The following CYP46A1 variants were observed in gnomAD, a reference collection of about 807,000 sequenced individuals.
CYP46A1 encodes the protein cholesterol 24-hydroxylase.
In CYP46A1, 20 loss-of-function variants were observed where a neutral mutation model predicts 63.3. The observed-to-expected ratio is 0.32, with a 90% CI of 0.22 to 0.46. The LOEUF (loss-of-function observed/expected upper bound fraction) is 0.46, where lower values mean the gene tolerates loss of function less well. CYP46A1 is among the 20% of genes least tolerant of loss of function. CYP46A1 has a pLI of 1.00. For missense variants in CYP46A1, 445 were observed against 670.8 expected, an observed-to-expected ratio of 0.66 and a Z score of 3.72; for synonymous variants, 268 against 273.6, an observed-to-expected ratio of 0.98 and a Z score of 0.20.
intron 3 of CYP46A1, among the ~76,000 whole-genome samples, chr14:99,695,239 A>G (rs1350539049): frequency 6.6e-6 from 1 of 151,870 alleles, no homozygotes; most frequent in Non-Finnish European, 1.5e-5. Context: ...ATGTTAATGA[A>G]CCCTTAAAAA....
Position 99,722,157 on chromosome 14 carries a change from T to A in CYP46A1, c.1176+91T>A. ...GACTCACCAGGGGAGCCTGTGGCCC[T>A]GTTCCCATCATTGCAACGGGCCTCA... On this transcript the variant is annotated intron_variant, in intron 12 of 14. Transcript: ENST00000261835. The surrounding 1 kb of genome is among the most constrained non-coding windows in gnomAD (Gnocchi z 4.6). 1.1e-6 allele frequency: 1 copy of A among 919,048 alleles called. No homozygotes were observed. The highest frequency in any genetic ancestry group is 1.7e-6 in the Non-Finnish European group (1 of 594,352). The allele number at this position is 919,048 out of a possible 1,614,324, so 56.9% of individuals were successfully genotyped here.
intron 7 of CYP46A1, chr14:99,711,326 A>T (rs183843954): frequency 6.6e-6 from 1 of 152,132 alleles, no homozygotes; most frequent in South Asian, 2.1e-4. Flanking sequence ...GGAACTAAAG[A>T]CTAAAAAAGT....
At chr14:99,706,950 TCAAAG>T (rs1282753337) in intron 6 of CYP46A1, among the ~76,000 whole-genome samples, 165 bp downstream of exon 6, 13 of 152,206 alleles carry the variant, frequency 8.5e-5, no homozygotes, top group Admixed American at 8.5e-4. Flanking sequence ...CCTTCAATAT[TCAAAG>T]CAACCTAGTG....
rs1016847883 is a variant in CYP46A1, at chr14:99,709,652, T to G, written c.693+1974T>G. On this transcript the variant is annotated intron_variant, in intron 7 of 14. Transcript: ENST00000261835. ...TAATAGCTGAAAACTTCTCAAGTCT[T>G]GCAAAAGATATAGACATCCAGGTAC... 9 of 152,324 alleles carry G rather than the reference T, an allele frequency of 5.9e-5. No homozygotes were observed. In the East Asian group the frequency reaches 1.5e-3, roughly 26 times the overall value. The allele number at this position is 152,324 out of a possible 1,614,324, so 9.4% of individuals were successfully genotyped here. A position where few individuals can be genotyped will look rare whatever the true frequency, so the allele number is the denominator to read the frequency against.
intron 7 of CYP46A1, 55 bp from the exon 8 acceptor site, chr14:99,715,755 G>A (rs1032493084): frequency 1.2e-6 from 2 of 1,611,108 alleles, no homozygotes; most frequent in Non-Finnish European, 1.7e-6. Context: ...TGGGGGAGAG[G>A]GGAGAGGGAA....
chr14:99,706,467 G>A, intron 5 of CYP46A1, 180 bp from the exon 6 acceptor site: 1 of 669,866 alleles, frequency 1.5e-6, no homozygotes, highest in South Asian at 1.9e-5. Flanking sequence ...AAACCCCAGG[G>A]TGTAGTTCAG....
At chr14:99,701,599 C>T (rs1475513473) in intron 5 of CYP46A1, among the ~76,000 whole-genome samples, 2 of 152,148 alleles carry the variant, frequency 1.3e-5, no homozygotes, top group African/African-American at 4.8e-5. Context: ...TAGAATGTAT[C>T]CTTGTCGTTA....
chr14:99,684,758 T>A (rs1280839491), intron 1 of CYP46A1: 1 of 634,476 alleles, frequency 1.6e-6, no homozygotes, highest in African/African-American at 1.8e-5. Flanking sequence ...CCCACAAACG[T>A]GATGGCAGCC....
Position 99,706,821 on chromosome 14 carries a change from G to A in CYP46A1, c.582+36G>A, listed in dbSNP as rs780290492. ...ACAGTCGGGCATGGGGGCCAGGAGG[G>A]CCACATGGGGTAGAGGGGTCTCTTC... is the stretch of plus-strand genomic sequence containing the variant. On this transcript the variant is annotated intron_variant, in intron 6 of 14. Transcript: ENST00000261835. The A allele has an allele frequency of 1.2e-5, 20 of 1,606,020 alleles. 1 individual carries two copies. The highest frequency in any genetic ancestry group is 1.7e-5 in the Non-Finnish European group (20 of 1,176,206).
chr14:99,701,032 T>C (rs1344221851), intron 5 of CYP46A1, among the ~76,000 whole-genome samples: 1 of 152,174 alleles, frequency 6.6e-6, no homozygotes, highest in Non-Finnish European at 1.5e-5. Context: ...AAAGAATTAA[T>C]AAAAAAGCTT....
chr14:99,721,475 G>T (rs753008823), intron 11 of CYP46A1, 152 bp downstream of exon 11: 3 of 640,478 alleles, frequency 4.7e-6, no homozygotes, highest in Non-Finnish European at 8.5e-6. Context: ...GGCCCAGGCT[G>T]CCCCAGACTA....
In CYP46A1 at chr14:99,722,687, G is replaced by A. The variant is rs1388096233; in HGVS notation, c.1176+621G>A. ...TGTGTGTGTGTGTGTGTGCCTGTGT[G>A]CATTCACGCAGTAATATATTGTAGG... On this transcript the variant is annotated intron_variant, in intron 12 of 14. Coordinates refer to ENST00000261835, the MANE Select transcript of CYP46A1 (RefSeq NM_006668.2). This position sits in a 1 kb window ranked among gnomAD's most constrained non-coding sequence, Gnocchi z 4.6. Among the ~76,000 whole-genome samples the A allele has an allele frequency of 6.6e-6, 1 of 151,522 alleles. No homozygotes were observed. The highest frequency in any genetic ancestry group is 1.5e-5 in the Non-Finnish European group (1 of 67,950).
rs1213300038 is a variant in CYP46A1 at position 99,722,348 on chromosome 14, G to A, written c.1176+282G>A. On this transcript the variant is annotated intron_variant, in intron 12 of 14. Transcript: ENST00000261835. The surrounding 1 kb of genome is among the most constrained non-coding windows in gnomAD (Gnocchi z 4.6). ...CAGAGAGGTTAGGTCACTTTCCTGG[G>A]GTCACACAGCTGGTGAAAAGCAGAT... is the stretch of plus-strand genomic sequence containing the variant. Among the ~76,000 whole-genome samples the A allele has an allele frequency of 6.6e-6, 1 of 152,078 alleles. No homozygotes were observed. Among genetic ancestry groups the A allele is most frequent in the Non-Finnish European group, 1.5e-5 (1 of 68,024 alleles).
intron 7 of CYP46A1, chr14:99,709,052 C>G (rs750932427): frequency 1.1e-4 from 17 of 152,166 alleles, no homozygotes; most frequent in Admixed American, 8.5e-4. Flanking sequence ...ATAAATGCCC[C>G]TATAGAAAAG....
intron 12 of CYP46A1, among the ~76,000 whole-genome samples, chr14:99,724,043 C>T (rs1018617195): frequency 2.6e-5 from 4 of 152,162 alleles, no homozygotes; most frequent in Admixed American, 1.3e-4. Context: ...AGACAGCCAC[C>T]TTCTCCCTGT....
intron 7 of CYP46A1, among the ~76,000 whole-genome samples, chr14:99,714,606 A>G (rs1368897936): frequency 6.6e-6 from 1 of 151,968 alleles, no homozygotes; most frequent in Non-Finnish European, 1.5e-5. Flanking sequence ...TAAAAATACA[A>G]AAAATTAGCC....
At chr14:99,685,099 C>CGCCCT (rs1161055770) in intron 1 of CYP46A1, among the ~76,000 whole-genome samples, 1 of 4,892 alleles carries the variant, frequency 2.0e-4, no homozygotes, top group Non-Finnish European at 4.6e-4. Flanking sequence ...CCCCCCCCCA[C>CGCCCT]CCCCAGCTTA....
At chr14:99,691,031 G>A (rs755947579) in intron 1 of CYP46A1, 50 bp from the exon 2 acceptor site, 43 of 1,564,536 alleles carry the variant, frequency 2.7e-5, no homozygotes, top group Admixed American at 2.0e-4. Context: ...GGAAGGGAGC[G>A]TTCTTTCCTG....
rs1566838789 is a variant in CYP46A1, at chr14:99,726,709, C to T, written c.1485C>T (p.Pro495=). Residue 495 remains proline, a synonymous_variant, in exon 15 of 15, where the codon CCC becomes CCT. Transcript: ENST00000261835. ...GGCCCCGCGGCTGGCAGCCCGCACC[C>T]CCACCACCCCCCTGCTGAGGGGGCC... is the stretch of plus-strand genomic sequence containing the variant. ...TLRPRGWQPA[P]PPPPC 1 of 1,535,456 alleles carries T rather than the reference C, an allele frequency of 6.5e-7. No individual in the cohort carries two copies. Among genetic ancestry groups the T allele is most frequent in the Admixed American group, 2.0e-5 (1 of 49,508 alleles).
Sources: gnomAD v4.1 joint callset for allele counts (sites outside exome capture counted in the v4.1 genomes callset) on GRCh38, gnomAD v4.1.1 for gene constraint, Gnocchi (gnomAD v3.1) non-coding constraint, MANE v1.5 for transcripts, NCBI Gene and HGNC (gene_info 2026-07-23, HGNC 2026-07-21) for gene names.